The following MAX variants were observed in gnomAD, a reference collection of about 807,000 sequenced individuals.
MAX encodes the protein protein max.
MAX carries 3 observed loss-of-function variants against 22.3 expected under a neutral mutation model. The observed-to-expected ratio is 0.13, with a 90% confidence interval of 0.06 to 0.35. MAX has a LOEUF of 0.35. MAX is among the 10% of genes least tolerant of loss of function. MAX has a pLI of 1.00. For synonymous variants in MAX, 72 were observed against 77.7 expected (o/e 0.93, Z 0.39); for missense variants, 119 against 209.4 (o/e 0.57, Z 2.66).
chr14:65,097,258 T>C (rs1171108266), intron 2 of MAX, among the ~76,000 whole-genome samples: 4 of 152,210 alleles, frequency 2.6e-5, no homozygotes, highest in African/African-American at 9.7e-5. Context: ...GCCAAGAAGT[T>C]GCTATGTTGG....
chr14:65,092,347 C>T (rs533092237), intron 3 of MAX, among the ~76,000 whole-genome samples: 1 of 152,276 alleles, frequency 6.6e-6, no homozygotes, highest in African/African-American at 2.4e-5. Flanking sequence ...GAAGGCAGCT[C>T]TTTTCCATAT....
In MAX at chr14:65,054,997, A is replaced by T. The variant is rs1461058489; in HGVS notation, c.171+38711T>A. On this transcript the variant is annotated intron_variant, in intron 3 of 3. Coordinates refer to the MAX transcript ENST00000341653. This position sits in a 1 kb window ranked among gnomAD's most constrained non-coding sequence, Gnocchi z 4.4. Reference sequence around the variant, plus strand: ...CTAGAGGAGGCCACAGTTACGTGTCACTCTGAGGCTGTGAGTCCCAGCAGG... The same window carrying T: ...CTAGAGGAGGCCACAGTTACGTGTCTCTCTGAGGCTGTGAGTCCCAGCAGG... 6.6e-6 allele frequency among the ~76,000 whole-genome samples: 1 copy of T among 152,062 alleles called. No individual in the cohort carries two copies. Among genetic ancestry groups the T allele is most frequent in the Non-Finnish European group, 1.5e-5 (1 of 67,986 alleles).
At chr14:65,040,424 A>C (rs754583186) in intron 3 of MAX, among the ~76,000 whole-genome samples, 36 of 151,740 alleles carry the variant, frequency 2.4e-4, no homozygotes, top group Non-Finnish European at 4.3e-4. Context: ...TGGGTTTTTA[A>C]CATTTTACAG....
rs1555335249 is a variant in MAX at position 65,032,013 on chromosome 14, T to TGTAC, written c.172-25730_172-25729insGTAC. 5.5e-4 allele frequency among the ~76,000 whole-genome samples: 84 copies of TGTAC among 151,692 alleles called. No individual in the cohort carries two copies. Among genetic ancestry groups the TGTAC allele is most frequent in the African/African-American group, 2.0e-3 (82 of 41,330 alleles). ...GTGTGTGTGTGTGTGTGTGTGTGTG[T>TGTAC]GTGTGTACTGGTGAGAGGTTTGAAA... On this transcript the variant is annotated intron_variant, in intron 3 of 3. Transcript: ENST00000341653. The surrounding 1 kb of genome is among the most constrained non-coding windows in gnomAD (Gnocchi z 5.0).
At chr14:65,086,875 C>A (rs961795670) in intron 3 of MAX, among the ~76,000 whole-genome samples, 2 of 152,224 alleles carry the variant, frequency 1.3e-5, no homozygotes, top group Non-Finnish European at 2.9e-5. Context: ...ATCTTCACAG[C>A]AGCTGTTCCC....
chr14:65,068,651 T>C lies in MAX; in HGVS notation c.171+25057A>G, dbSNP rs574365758. ...GTTGCAGTTTTGGCCTTTGGGAGCT[T>C]TCTCAGTGGGCTCCTTTGTCTGTTT... On this transcript the variant is annotated intron_variant, in intron 3 of 3. Coordinates refer to the MAX transcript ENST00000341653. Among the ~76,000 whole-genome samples the C allele has an allele frequency of 2.6e-5, 4 of 152,324 alleles. No homozygotes were observed. In the East Asian group the frequency reaches 7.7e-4, roughly 29 times the overall value.
At chr14:65,053,428 C>A in intron 3 of MAX, 1 of 1,192,776 alleles carries the variant, frequency 8.4e-7, no homozygotes, top group Non-Finnish European at 1.1e-6. Flanking sequence ...CTACTCAGAG[C>A]CAGATCTCAA....
At chr14:65,061,661 T>C in intron 3 of MAX, 59 of 212,086 alleles carry the variant, frequency 2.8e-4, no homozygotes, top group East Asian at 9.0e-4. Context: ...CCAGAGCCAC[T>C]GCTGACTCCC....
chr14:65,093,411 T>C lies in MAX; in HGVS notation c.171+297A>G, dbSNP rs557748990. 1.9e-4 allele frequency: 77 copies of C among 397,244 alleles called. No individual in the cohort carries two copies. The highest frequency in any genetic ancestry group is 1.5e-3 in the African/African-American group (71 of 48,822). 24.6% of individuals were successfully genotyped at this position (397,244 alleles called of 1,614,324 possible). A position where few individuals can be genotyped will look rare whatever the true frequency, so the allele number is the denominator to read the frequency against. ...ATCCCAAACGAACTCTTGGCCACTC[T>C]TTATACTATAGTGTATAGTTATAAT... On this transcript the variant is annotated intron_variant, in intron 3 of 4. Coordinates refer to ENST00000358664, the MANE Select transcript of MAX (RefSeq NM_002382.5). This position sits in a 1 kb window ranked among gnomAD's most constrained non-coding sequence, Gnocchi z 4.4.
intron 3 of MAX, among the ~76,000 whole-genome samples, chr14:65,022,284 GTTT>G (rs34044534): frequency 9.0e-5 from 13 of 144,056 alleles, no homozygotes; most frequent in African/African-American, 3.3e-4. Context: ...CTTTTTTTCT[GTTT>G]TTTTTTTTTT....
rs751099397 is a variant in MAX, at chr14:65,054,614, C to A, written c.171+39094G>T. On this transcript the variant is annotated intron_variant, in intron 3 of 3. Transcript: ENST00000341653. This position sits in a 1 kb window ranked among gnomAD's most constrained non-coding sequence, Gnocchi z 4.4. ...ACCACACCTGCTACTGCCTGAGCGG[C>A]CTGTCCATAGCCCAGCACTTCGGCA... The A allele has an allele frequency of 4.3e-6, 7 of 1,613,852 alleles. No individual in the cohort carries two copies. Among genetic ancestry groups the A allele is most frequent in the Non-Finnish European group, 5.9e-6 (7 of 1,179,920 alleles).
chr14:65,074,163 T>C (rs1399076361), downstream of MAX, among the ~76,000 whole-genome samples: 3 of 152,276 alleles, frequency 2.0e-5, no homozygotes, highest in South Asian at 2.1e-4. Flanking sequence ...AGCCCAGATA[T>C]ACAAAGAGAT....
At chr14:65,066,546 T>C (rs1169854458) in intron 3 of MAX, among the ~76,000 whole-genome samples, 3 of 152,128 alleles carry the variant, frequency 2.0e-5, no homozygotes, top group Non-Finnish European at 4.4e-5. Flanking sequence ...ATACAGCGCT[T>C]ACAAAATAAC....
rs371165186 is a variant in MAX, at chr14:65,023,753, C to CA, written c.172-17470dup. 5.3e-5 allele frequency among the ~76,000 whole-genome samples: 8 copies of CA among 152,108 alleles called. No individual in the cohort carries two copies. The highest frequency in any genetic ancestry group is 1.9e-4 in the African/African-American group (8 of 41,420). On this transcript the variant is annotated intron_variant, in intron 3 of 3. Transcript: ENST00000341653. This position sits in a 1 kb window ranked among gnomAD's most constrained non-coding sequence, Gnocchi z 4.1. ...AGCACAGATGTATCTCATTGCTACT[C>CA]AAAATGTGGTCCCCAGACCAGGAGC...
rs535311979 is a variant in MAX, at chr14:65,063,029, G to A, written c.171+30679C>T. On this transcript the variant is annotated intron_variant, in intron 3 of 3. Transcript: ENST00000341653. ...AGAGGCAGGGGCTGTCACAGGGACA[G>A]GCTGGAACTCTGTGGCCACTTGGCT... Among the ~76,000 whole-genome samples the A allele has an allele frequency of 2.0e-5, 3 of 152,362 alleles. No individual in the cohort carries two copies. The South Asian group carries it at 6.2e-4, about 32-fold the overall frequency.
At position 65,044,373 on chromosome 14, in the gene MAX, G is replaced by C. The variant is rs1423445728; in HGVS notation, c.172-38089C>G. 14 of 1,613,360 alleles carry C rather than the reference G, an allele frequency of 8.7e-6. No individual in the cohort carries two copies. The highest frequency in any genetic ancestry group is 1.1e-5 in the Non-Finnish European group (13 of 1,179,824). On this transcript the variant is annotated intron_variant, in intron 3 of 3. Transcript: ENST00000341653. This position sits in a 1 kb window ranked among gnomAD's most constrained non-coding sequence, Gnocchi z 5.5. ...GATTTCAGGGCCGCTGCAACAAGCT[G>C]GTGGATGGCTGCTACTCCTTCTGGC... is the stretch of plus-strand genomic sequence containing the variant.
intron 3 of MAX, chr14:65,083,731 G>A (rs1283800995): frequency 9.5e-7 from 1 of 1,056,362 alleles, no homozygotes; most frequent in African/African-American, 1.7e-5. Context: ...TGAAAAAAGA[G>A]GTACTGCTGG....
At chr14:65,083,831 A>C in intron 3 of MAX, 1 of 1,166,286 alleles carries the variant, frequency 8.6e-7, no homozygotes, top group Non-Finnish European at 1.1e-6. Flanking sequence ...AAGCTTTTAC[A>C]CATATGAAGG....
Position 65,094,000 on chromosome 14 carries a change from G to T in MAX, c.64-185C>A. On this transcript the variant is annotated intron_variant, in intron 2 of 4. Coordinates refer to ENST00000358664, the MANE Select transcript of MAX (RefSeq NM_002382.5). The surrounding 1 kb of genome is among the most constrained non-coding windows in gnomAD (Gnocchi z 4.4). ...GGCTCTGCTAAAGGGGGAGAAAGGG[G>T]TGAGCAACGCTTGCGACAGGAACAT... The T allele has an allele frequency of 4.6e-6, 3 of 652,976 alleles. No individual in the cohort carries two copies. Among genetic ancestry groups the T allele is most frequent in the South Asian group, 1.6e-5 (1 of 61,636 alleles). The allele number at this position is 652,976 out of a possible 1,614,324, so 40.4% of individuals were successfully genotyped here. A position where few individuals can be genotyped will look rare whatever the true frequency, so the allele number is the denominator to read the frequency against.
Sources: allele counts gnomAD v4.1 joint callset (sites outside exome capture counted in the v4.1 genomes callset), GRCh38; gene constraint gnomAD v4.1.1; non-coding constraint Gnocchi (gnomAD v3.1); transcripts MANE v1.5; gene names NCBI Gene and HGNC (gene_info 2026-07-23, HGNC 2026-07-21).